MZT2A: variants seen among roughly 807,000 people sequenced by gnomAD.
The protein encoded by MZT2A is mitotic-spindle organizing protein 2A.
In MZT2A, 8 loss-of-function variants were observed where a neutral mutation model predicts 12.4. The ratio of observed to expected loss-of-function variants is 0.64; its 90% CI spans 0.38 to 1.16. MZT2A has a LOEUF of 1.16. MZT2A is among the 50% of genes most tolerant of loss of function. The probability of loss-of-function intolerance (pLI) is 0.01; values close to 1 mark genes in which losing one functional copy is unlikely to be tolerated. For missense variants in MZT2A, 181 were observed against 223.6 expected, an observed-to-expected ratio of 0.81 and a Z score of 1.22; for synonymous variants, 88 against 107.5, an observed-to-expected ratio of 0.82 and a Z score of 1.12.
At position 131,484,000 on chromosome 2, in the gene MZT2A, C is replaced by A; in HGVS notation, c.*61G>T. 6.5e-7 allele frequency: 1 copy of A among 1,543,696 alleles called. No homozygotes were observed. Among genetic ancestry groups the A allele is most frequent in the African/African-American group, 1.4e-5 (1 of 72,134 alleles). ...GCATCTCAGAAAGGTTTATTATCAA[C>A]TGAAGGAGGTAACATGTAGCCTTTG... On this transcript the variant is annotated 3_prime_UTR_variant, in exon 3 of 3. Transcript: ENST00000309451.
chr2:131,487,164 C>T (rs759891436), intron 2 of MZT2A, among the ~76,000 whole-genome samples: 1 of 152,186 alleles, frequency 6.6e-6, no homozygotes, highest in Non-Finnish European at 1.5e-5. Context: ...CAAAAACAGT[C>T]AATGACCACT....
upstream of MZT2A, chr2:131,492,796 G>GGCGC: frequency 1.2e-6 from 1 of 853,300 alleles, no homozygotes; most frequent in Non-Finnish European, 1.7e-6. Flanking sequence ...GGGGTGGGGG[G>GGCGC]CACTAATCAA....
intron 2 of MZT2A, 125 bp downstream of exon 2, chr2:131,491,751 C>A: frequency 7.4e-7 from 1 of 1,348,138 alleles, no homozygotes. Context: ...CCTGCAGGTG[C>A]TGGGCCTAGA....
chr2:131,475,540 G>T (rs111420543), intron 2 of MZT2A, among the ~76,000 whole-genome samples: 25,897 of 151,824 alleles, frequency 0.17, 4,048 homozygotes, highest in African/African-American at 0.42. Flanking sequence ...TATTGGCCAG[G>T]CTGGTCTTGG....
At chr2:131,481,126 A>G (rs1240517822), downstream of MZT2A, among the ~76,000 whole-genome samples, 1 of 149,722 alleles carries the variant, frequency 6.7e-6, no homozygotes, top group Non-Finnish European at 1.5e-5. Context: ...TTGGTCTTGA[A>G]CTCCTGACCT....
At chr2:131,484,873 T>G (rs1226551508) in intron 2 of MZT2A, among the ~76,000 whole-genome samples, 1 of 152,220 alleles carries the variant, frequency 6.6e-6, no homozygotes, top group Non-Finnish European at 1.5e-5. Context: ...CACCAGAGGC[T>G]CTCTCGGATG....
downstream of MZT2A, chr2:131,482,653 G>A: frequency 2.5e-6 from 4 of 1,614,226 alleles, no homozygotes; most frequent in Non-Finnish European, 3.4e-6. Flanking sequence ...CCATTGCGGA[G>A]GCCTGGGCCC....
downstream of MZT2A, chr2:131,480,718 A>G (rs1240053207): frequency 1.2e-6 from 2 of 1,611,656 alleles, no homozygotes; most frequent in African/African-American, 2.7e-5. Context: ...CGCACCATCC[A>G]GTTTGTGGAT....
At chr2:131,479,463 A>G, downstream of MZT2A, 2 of 1,613,282 alleles carry the variant, frequency 1.2e-6, no homozygotes, top group Non-Finnish European at 1.7e-6. Flanking sequence ...ACTGGTAAGA[A>G]GAGAAGGTTT....
upstream of MZT2A, among the ~76,000 whole-genome samples, chr2:131,493,326 T>C (rs1170287655): frequency 1.3e-5 from 2 of 152,180 alleles, no homozygotes; most frequent in African/African-American, 4.8e-5. Context: ...CTCTGGGCCA[T>C]GCCTTTGTGC....
upstream of MZT2A, chr2:131,492,780 T>TCG (rs1553503305): frequency 2.1e-4 from 109 of 522,382 alleles, 1 homozygote; most frequent in African/African-American, 3.3e-3. Flanking sequence ...GGGTCGCTCT[T>TCG]CGGGGGGGGT....
At chr2:131,480,762 G>A (rs1218177553), downstream of MZT2A, 1 of 1,604,434 alleles carries the variant, frequency 6.2e-7, no homozygotes, top group Non-Finnish European at 8.5e-7. Context: ...ATGACTGGGT[G>A]ATGTGGAGGC....
chr2:131,473,935 C>T (rs1252456522), intron 2 of MZT2A, among the ~76,000 whole-genome samples: 1 of 145,976 alleles, frequency 6.9e-6, no homozygotes, highest in Admixed American at 6.6e-5. Context: ...CAGAATTTAT[C>T]AGGCCCAGAG....
intron 2 of MZT2A, chr2:131,476,027 T>A: frequency 7.9e-7 from 1 of 1,259,564 alleles, no homozygotes; most frequent in Non-Finnish European, 1.1e-6. Flanking sequence ...CAATCAGAAC[T>A]GGGATCCGGC....
chr2:131,492,503 G>C (rs1312063665), upstream of MZT2A: 11 of 1,106,066 alleles, frequency 9.9e-6, no homozygotes, highest in Non-Finnish European at 1.1e-5. Context: ...CGGGAGCGCG[G>C]GGACGGGGCC....
chr2:131,492,992 CT>C, upstream of MZT2A: 1 of 1,519,146 alleles, frequency 6.6e-7, no homozygotes. Context: ...GCGCACGTAC[CT>C]TTTGAGGTAA....
At chr2:131,472,845 C>T (rs944799678) in intron 2 of MZT2A, among the ~76,000 whole-genome samples, 2 of 152,086 alleles carry the variant, frequency 1.3e-5, no homozygotes, top group Non-Finnish European at 2.9e-5. Context: ...GTGATGTGGG[C>T]TACAGCTGAG....
intron 2 of MZT2A, among the ~76,000 whole-genome samples, chr2:131,488,109 C>G (rs980339227): frequency 1.3e-5 from 2 of 152,176 alleles, no homozygotes; most frequent in African/African-American, 4.8e-5. Flanking sequence ...GCAATGACCA[C>G]GCCAGCCATG....
chr2:131,482,522 A>G (rs781046174), downstream of MZT2A: 2 of 1,583,240 alleles, frequency 1.3e-6, no homozygotes, highest in African/African-American at 2.7e-5. Flanking sequence ...TATAAGCTTC[A>G]TGGACTGCTT....
Sources: allele counts gnomAD v4.1 joint callset (sites outside exome capture counted in the v4.1 genomes callset), GRCh38; gene constraint gnomAD v4.1.1; transcripts MANE v1.5; gene names NCBI Gene and HGNC (gene_info 2026-07-23, HGNC 2026-07-21).